The following PLEKHH2 variants were observed in gnomAD, a reference collection of about 807,000 sequenced individuals.
The protein encoded by PLEKHH2 is pleckstrin homology, MyTH4 and FERM domain containing H2.
A neutral mutation model predicts 187.9 loss-of-function variants in PLEKHH2; 129 were observed. The observed-to-expected ratio is 0.69, with a 90% CI of 0.59 to 0.79. PLEKHH2 has a LOEUF of 0.79. Among genes scored for constraint, PLEKHH2 ranks in the 30% least tolerant of loss-of-function variants. PLEKHH2 has a pLI of 0.00. For synonymous variants in PLEKHH2, 686 were observed against 605.6 expected (o/e 1.13, Z -1.95); for missense variants, 2,076 against 1,751.2 (o/e 1.19, Z -3.31).
At chr2:43,729,472 A>G (rs372287564) in intron 17 of PLEKHH2, among the ~76,000 whole-genome samples, 165 bp from the exon 18 acceptor site, 1 of 152,252 alleles carries the variant, frequency 6.6e-6, no homozygotes, top group South Asian at 2.1e-4. Context: ...AGTTCAAGTG[A>G]GCATGCCTCA....
intron 27 of PLEKHH2, among the ~76,000 whole-genome samples, chr2:43,761,753 A>G (rs952632721): frequency 6.6e-6 from 1 of 152,140 alleles, no homozygotes; most frequent in Non-Finnish European, 1.5e-5. Context: ...GGAAATTTTC[A>G]TATTTCTCAT....
chr2:43,647,913 A>G (rs540603476), intron 2 of PLEKHH2, among the ~76,000 whole-genome samples: 31 of 152,312 alleles, frequency 2.0e-4, no homozygotes, highest in African/African-American at 7.5e-4. Flanking sequence ...AGCTGACTCT[A>G]GCGGCCAAAT....
chr2:43,741,265 CAG>C (rs1271106576), intron 21 of PLEKHH2: 10 of 341,392 alleles, frequency 2.9e-5, no homozygotes, highest in East Asian at 1.6e-4. Flanking sequence ...GAAAAACTGA[CAG>C]AGAATATTTT....
At chr2:43,708,694 T>C (rs1669794083) in intron 11 of PLEKHH2, among the ~76,000 whole-genome samples, 1 of 152,234 alleles carries the variant, frequency 6.6e-6, no homozygotes, top group African/African-American at 2.4e-5. Context: ...CCCTAGCATC[T>C]AGGACAGTGC....
At chr2:43,745,534 G>A (rs1671742444) in intron 23 of PLEKHH2, among the ~76,000 whole-genome samples, 1 of 152,124 alleles carries the variant, frequency 6.6e-6, no homozygotes, top group South Asian at 2.1e-4. Flanking sequence ...CTCGGAAGGT[G>A]AAAAACTTGC....
intron 15 of PLEKHH2, among the ~76,000 whole-genome samples, chr2:43,713,169 A>G (rs556729373): frequency 2.6e-5 from 4 of 152,166 alleles, no homozygotes; most frequent in South Asian, 2.1e-4. Flanking sequence ...ATTTATCCTT[A>G]GGAAGTGGTC....
intron 15 of PLEKHH2, 145 bp from the exon 16 acceptor site, chr2:43,720,524 A>T: frequency 7.7e-7 from 1 of 1,304,008 alleles, no homozygotes; most frequent in Non-Finnish European, 1.0e-6. Flanking sequence ...GGTACATCTT[A>T]AACAGCACTG....
intron 14 of PLEKHH2, 85 bp downstream of exon 14, chr2:43,710,660 G>T: frequency 1.3e-6 from 2 of 1,490,254 alleles, no homozygotes; most frequent in East Asian, 2.5e-5. Flanking sequence ...AAAGGAGATA[G>T]GATAATTCAG....
intron 3 of PLEKHH2, among the ~76,000 whole-genome samples, chr2:43,683,311 G>T (rs185804655): frequency 6.6e-6 from 1 of 151,752 alleles, no homozygotes; most frequent in Non-Finnish European, 1.5e-5. Flanking sequence ...AGCTCATTTT[G>T]TATTTTTAGT....
intron 2 of PLEKHH2, among the ~76,000 whole-genome samples, chr2:43,660,503 T>C (rs1667014416): frequency 6.8e-6 from 1 of 146,674 alleles, no homozygotes; most frequent in Non-Finnish European, 1.5e-5. Context: ...AGTTTTAGGG[T>C]ACATGTGCAC....
chr2:43,710,233 A>T lies in PLEKHH2; in HGVS notation c.2117A>T (p.Lys706Ile). Residue 706 changes from lysine to isoleucine, a missense_variant, in exon 13 of 30, where the codon AAA becomes ATA. Transcript: ENST00000282406. Reference sequence around the variant, plus strand: ...TTTAAAAATTAGGAACCACTGGAAAAATCTGGTTATTTATTAAAAATGAGT... The same window carrying T: ...TTTAAAAATTAGGAACCACTGGAAATATCTGGTTATTTATTAAAAATGAGT... ...SDNGKNEPLE[K>I]SGYLLKMSGK... 3 of 1,614,002 alleles carry T rather than the reference A, an allele frequency of 1.9e-6. No homozygotes were observed. Among genetic ancestry groups the T allele is most frequent in the Non-Finnish European group, 1.7e-6 (2 of 1,179,950 alleles).
At chr2:43,657,192 T>A (rs141542372) in intron 2 of PLEKHH2, among the ~76,000 whole-genome samples, 2 of 152,348 alleles carry the variant, frequency 1.3e-5, no homozygotes, top group African/African-American at 4.8e-5. Flanking sequence ...GTGGACTCAC[T>A]GCGGGTGCTC....
At chr2:43,732,795 A>T (rs1671107192) in intron 19 of PLEKHH2, among the ~76,000 whole-genome samples, 1 of 152,008 alleles carries the variant, frequency 6.6e-6, no homozygotes, top group Non-Finnish European at 1.5e-5. Context: ...CCATAATTCC[A>T]TGTACTCTTC....
rs1232729840 is a variant in PLEKHH2, at chr2:43,710,264, A to G, written c.2148A>G (p.Lys716=). The change falls in exon 13 of 30, where the codon AAA becomes AAG. Residue 716 remains lysine, a synonymous_variant. Transcript: ENST00000282406. ...KSGYLLKMSG[K]VKSWKRRWFV... ...GTTATTTATTAAAAATGAGTGGTAA[A>G]GTCAAGTCTTGGAAGCGGCGGTGGT... The G allele has an allele frequency of 6.2e-7, 1 of 1,614,184 alleles. No individual in the cohort carries two copies. Among genetic ancestry groups the G allele is most frequent in the Non-Finnish European group, 8.5e-7 (1 of 1,180,026 alleles).
chr2:43,685,205 T>C (rs1668440921), intron 3 of PLEKHH2, among the ~76,000 whole-genome samples: 1 of 152,256 alleles, frequency 6.6e-6, no homozygotes, highest in South Asian at 2.1e-4. Context: ...ACTGTATTTA[T>C]CTTAACCAAA....
rs561518794 is a variant in PLEKHH2, at chr2:43,766,175, T to A, written c.*577T>A. 2 of 152,962 alleles carry A rather than the reference T, an allele frequency of 1.3e-5. No homozygotes were observed. Among genetic ancestry groups the A allele is most frequent in the East Asian group, 1.9e-4 (1 of 5,324 alleles). The allele number at this position is 152,962 out of a possible 1,614,324, so 9.5% of individuals were successfully genotyped here. On this transcript the variant is annotated 3_prime_UTR_variant, in exon 30 of 30. Coordinates refer to ENST00000282406, the MANE Select transcript of PLEKHH2 (RefSeq NM_172069.4). ...TGAATCATTATGTGAGAAAGCAGGA[T>A]AACATTAGGTAACCTGAGCCTCCTG... is the stretch of plus-strand genomic sequence containing the variant.
At chr2:43,748,256 T>C (rs186087161) in intron 24 of PLEKHH2, among the ~76,000 whole-genome samples, 45 of 152,302 alleles carry the variant, frequency 3.0e-4, no homozygotes, top group Middle Eastern at 3.4e-3. Flanking sequence ...TAATCTTTGG[T>C]GTCTAAGATT....
intron 28 of PLEKHH2, among the ~76,000 whole-genome samples, chr2:43,763,279 G>C (rs1672499365): frequency 6.6e-6 from 1 of 152,170 alleles, no homozygotes; most frequent in Non-Finnish European, 1.5e-5. Flanking sequence ...GAGGTAGCCA[G>C]ACAGGCCAGG....
At chr2:43,707,819 C>T (rs970870694) in intron 11 of PLEKHH2, among the ~76,000 whole-genome samples, 1 of 151,580 alleles carries the variant, frequency 6.6e-6, no homozygotes, top group African/African-American at 2.4e-5. Context: ...AGATAATTGG[C>T]CAAAATGAGG....
Sources: allele counts gnomAD v4.1 joint callset (sites outside exome capture counted in the v4.1 genomes callset), GRCh38; gene constraint gnomAD v4.1.1; transcripts MANE v1.5; gene names NCBI Gene and HGNC (gene_info 2026-07-23, HGNC 2026-07-21).